ANKAR: variants seen among roughly 807,000 people sequenced by gnomAD.
The protein encoded by ANKAR is ankyrin and armadillo repeat-containing protein.
ANKAR carries 136 observed loss-of-function variants against 146.2 expected under a neutral mutation model. The observed-to-expected ratio is 0.93, with a 90% CI of 0.81 to 1.07. ANKAR has a LOEUF of 1.07. ANKAR is among the 50% of genes least tolerant of loss of function. The probability of loss-of-function intolerance (pLI) is 0.00; values close to 1 mark genes in which losing one functional copy is unlikely to be tolerated. For synonymous variants in ANKAR, 500 were observed against 575.8 expected, an observed-to-expected ratio of 0.87 and a Z score of 1.88; for missense variants, 1,567 against 1,679.9, an observed-to-expected ratio of 0.93 and a Z score of 1.18.
chr2:189,688,025 A>G (rs1467222702), intron 2 of ANKAR, among the ~76,000 whole-genome samples: 1 of 152,220 alleles, frequency 6.6e-6, no homozygotes, highest in African/African-American at 2.4e-5. Flanking sequence ...GTATTACTCA[A>G]GAAATCTTTG....
chr2:189,711,093 A>T lies in ANKAR; in HGVS notation c.2164A>T (p.Met722Leu). 6.2e-7 allele frequency: 1 copy of T among 1,614,158 alleles called. No homozygotes were observed. Among genetic ancestry groups the T allele is most frequent in the Non-Finnish European group, 8.5e-7 (1 of 1,180,004 alleles). Residue 722 changes from methionine (M) to leucine (L), a missense_variant, in exon 10 of 23, where the codon ATG (methionine) becomes TTG (leucine). Met to Leu is a conservative substitution (Grantham distance 15, BLOSUM62 2). Transcript: ENST00000684021. ...ESYKRRMMAV[M>L]SLEVICLAND... ...CTATAAACGAAGGATGATGGCCGTC[A>T]TGTCCTTGGAAGTAATTTGCTTAGC...
Position 189,724,292 on chromosome 2 carries a change from G to A in ANKAR, c.2635+3505G>A, listed in dbSNP as rs528048951. On this transcript the variant is annotated intron_variant, in intron 12 of 22. Transcript: ENST00000684021. ...GTTACTTGAGTGATCTAACTAAAATGTAAAGTTGATCATATCTTCTTCTTT... is the reference window on the plus strand; with the variant it reads ...GTTACTTGAGTGATCTAACTAAAATATAAAGTTGATCATATCTTCTTCTTT... 5.3e-5 allele frequency among the ~76,000 whole-genome samples: 8 copies of A among 152,286 alleles called. 1 individual carries two copies. The East Asian group carries it at 1.5e-3, about 29-fold the overall frequency.
At chr2:189,747,986 T>G (rs1322284337), downstream of ANKAR, among the ~76,000 whole-genome samples, 1 of 151,992 alleles carries the variant, frequency 6.6e-6, no homozygotes, top group Non-Finnish European at 1.5e-5. Flanking sequence ...GCGCCTGGCT[T>G]CACTGTGTAC....
At chr2:189,741,281 G>GA in intron 19 of ANKAR, 61 bp from the exon 20 acceptor site, 1 of 1,285,866 alleles carries the variant, frequency 7.8e-7, no homozygotes, top group Non-Finnish European at 1.1e-6. Context: ...TGCAATTAAT[G>GA]AAAGTATTAT....
intron 18 of ANKAR, chr2:189,753,058 T>A (rs1171824638): frequency 7.6e-7 from 1 of 1,320,264 alleles, no homozygotes; most frequent in African/African-American, 1.5e-5. Flanking sequence ...GAGAAAAATA[T>A]CAGCATTAAA....
downstream of ANKAR, among the ~76,000 whole-genome samples, chr2:189,749,911 C>T (rs1042543908): frequency 6.6e-6 from 1 of 152,062 alleles, no homozygotes; most frequent in African/African-American, 2.4e-5. Flanking sequence ...TGCCTGAGCT[C>T]AGGAGTTCAA....
chr2:189,757,413 T>G (rs574311030), intron 18 of ANKAR, among the ~76,000 whole-genome samples: 6 of 152,374 alleles, frequency 3.9e-5, no homozygotes, highest in African/African-American at 1.4e-4. Flanking sequence ...GCTTACTGTC[T>G]TCTTCATTTT....
intron 2 of ANKAR, among the ~76,000 whole-genome samples, chr2:189,679,314 TA>T (rs2034267915): frequency 6.6e-6 from 1 of 152,258 alleles, no homozygotes; most frequent in African/African-American, 2.4e-5. Context: ...ATTGATTTTG[TA>T]TGCTGAAACT....
At chr2:189,682,113 G>A (rs936168783) in intron 2 of ANKAR, among the ~76,000 whole-genome samples, 2 of 152,078 alleles carry the variant, frequency 1.3e-5, no homozygotes, top group African/African-American at 4.8e-5. Flanking sequence ...AATACTGTTG[G>A]CTCCTGGCCA....
chr2:189,734,218 T>C (rs575815670), intron 17 of ANKAR, among the ~76,000 whole-genome samples: 1 of 152,222 alleles, frequency 6.6e-6, no homozygotes, highest in Non-Finnish European at 1.5e-5. Flanking sequence ...TTTTTCCTTT[T>C]GTAGTTAATA....
chr2:189,754,437 C>A, intron 18 of ANKAR: 2 of 1,173,412 alleles, frequency 1.7e-6, no homozygotes, highest in South Asian at 1.6e-5. Context: ...ACTAACAAAA[C>A]AAAAAACCCC....
chr2:189,743,993 C>A (rs533541502), intron 21 of ANKAR, among the ~76,000 whole-genome samples: 2 of 152,182 alleles, frequency 1.3e-5, no homozygotes, highest in South Asian at 2.1e-4. Flanking sequence ...TTAACTCCCC[C>A]CAAAAAGGGA....
chr2:189,691,832 G>A (rs2036457814), intron 3 of ANKAR, among the ~76,000 whole-genome samples: 1 of 151,866 alleles, frequency 6.6e-6, no homozygotes, highest in Non-Finnish European at 1.5e-5. Context: ...CATGATCTCA[G>A]CTCACTGCAG....
At chr2:189,747,762 G>A (rs923188598), downstream of ANKAR, among the ~76,000 whole-genome samples, 1 of 151,998 alleles carries the variant, frequency 6.6e-6, no homozygotes, top group African/African-American at 2.4e-5. Flanking sequence ...GCAGGATCTT[G>A]GCTCACTCCG....
intron 7 of ANKAR, among the ~76,000 whole-genome samples, chr2:189,702,010 T>TG (rs2038143612): frequency 6.6e-6 from 1 of 152,152 alleles, no homozygotes; most frequent in East Asian, 1.9e-4. Flanking sequence ...CCTGCGTCCC[T>TG]GTACTTTGAA....
intron 20 of ANKAR, among the ~76,000 whole-genome samples, 178 bp from the exon 21 acceptor site, chr2:189,743,095 GCT>G (rs760827617): frequency 7.2e-5 from 11 of 151,788 alleles, no homozygotes; most frequent in Non-Finnish European, 1.6e-4. Context: ...GCAGTTGACA[GCT>G]CTCTGTAAAA....
chr2:189,744,699 T>C, intron 21 of ANKAR, 43 bp from the exon 22 acceptor site: 2 of 1,449,262 alleles, frequency 1.4e-6, no homozygotes, highest in Non-Finnish European at 1.9e-6. Context: ...CTGGGTGCAT[T>C]ATGTCTTCAT....
At chr2:189,695,782 C>T (rs1219801260) in intron 6 of ANKAR, among the ~76,000 whole-genome samples, 1 of 152,160 alleles carries the variant, frequency 6.6e-6, no homozygotes, top group Non-Finnish European at 1.5e-5. Flanking sequence ...AAGAGGGTGA[C>T]ATTTTTACCT....
In ANKAR at chr2:189,689,737, A is replaced by G; in HGVS notation, c.812A>G (p.Asn271Ser). The G allele has an allele frequency of 6.2e-7, 1 of 1,613,018 alleles. No homozygotes were observed. The highest frequency in any genetic ancestry group is 1.7e-4 in the Middle Eastern group (1 of 6,056). The change falls in exon 3 of 23, where the codon AAT becomes AGT. Residue 271 changes from asparagine (N) to serine (S), a missense_variant. Asn to Ser is a conservative substitution (Grantham distance 46, BLOSUM62 1). Coordinates refer to ENST00000684021, the MANE Select transcript of ANKAR (RefSeq NM_001378068.1). Reference protein sequence around the residue: ...FIFETGYWLTNAIKYNQDYLD... With the variant: ...FIFETGYWLTSAIKYNQDYLD... ...TTTGAAACAGGCTATTGGCTTACTA[A>G]TGCTATAAAATATAATCAGGATTAT...
Sources: gnomAD v4.1 joint callset for allele counts (sites outside exome capture counted in the v4.1 genomes callset) on GRCh38, gnomAD v4.1.1 for gene constraint, MANE v1.5 for transcripts, NCBI Gene and HGNC (gene_info 2026-07-23, HGNC 2026-07-21) for gene names.